STAB1: variants seen among roughly 807,000 people sequenced by gnomAD.
STAB1 encodes stabilin-1.
A neutral mutation model predicts 332.4 loss-of-function variants in STAB1; 250 were observed. That is an observed-to-expected ratio of 0.75 (90% CI 0.68 to 0.84). STAB1 has a LOEUF of 0.84. Among genes scored for constraint, STAB1 ranks in the 40% least tolerant of loss-of-function variants. STAB1 has a pLI of 0.00. For synonymous variants in STAB1, 1,475 were observed against 1,390.4 expected (o/e 1.06, Z -1.35); for missense variants, 3,249 against 3,489.7 (o/e 0.93, Z 1.74).
chr3:52,501,225 G>C lies in STAB1; in HGVS notation c.138G>C (p.Ser46=), dbSNP rs747000405. 2 of 1,613,784 alleles carry C rather than the reference G, an allele frequency of 1.2e-6. No individual in the cohort carries two copies. The highest frequency in any genetic ancestry group is 1.6e-4 in the Middle Eastern group (1 of 6,062). The part of the protein sequence containing the change: ...TTFVTHVPCT[S]CAAIKKQTCP... ...TTGTCACTCATGTACCCTGCACCTC[G>C]TGCGCGGCCATCAAGAAGCAGACGT... The change falls in exon 2 of 69, where the codon TCG becomes TCC. Residue 46 remains serine, a synonymous_variant. Coordinates refer to ENST00000321725, the MANE Select transcript of STAB1 (RefSeq NM_015136.3).
At position 52,519,517 on chromosome 3, in the gene STAB1, G is replaced by T. The variant is rs776687770; in HGVS notation, c.5188G>T (p.Ala1730Ser). The T allele has an allele frequency of 4.3e-6, 7 of 1,613,148 alleles. No homozygotes were observed. The African/African-American group carries it at 9.3e-5, about 22-fold the overall frequency. ...DAPIPRRNVT[A>S]AAQGFGYKIF... ...AGCCTTTCCTCAGAGAAATGTCACC[G>T]CCGCCGCCCAGGGCTTCGGTTACAA... Residue 1730 changes from alanine (A) to serine (S), a missense_variant, in exon 50 of 69, where the codon GCC (alanine) becomes TCC (serine). Transcript: ENST00000321725.
rs1299932068 is a variant in STAB1 at position 52,495,500 on chromosome 3, G to A, written c.78+9G>A. 4.5e-6 allele frequency: 6 copies of A among 1,328,764 alleles called. No homozygotes were observed. Among genetic ancestry groups the A allele is most frequent in the Non-Finnish European group, 5.8e-6 (6 of 1,031,898 alleles). 82.3% of individuals were successfully genotyped at this position (1,328,764 alleles called of 1,614,324 possible). ...GCTTCGTCAGGGGGCAGGTAAGTGT[G>A]AGCCAGTCGCAGGGGCACACGGCGT... On this transcript the variant is annotated intron_variant, in intron 1 of 68. Coordinates refer to ENST00000321725, the MANE Select transcript of STAB1 (RefSeq NM_015136.3).
Position 52,503,507 on chromosome 3 carries a change from C to T in STAB1, c.858C>T (p.Asn286=). The change falls in exon 8 of 69, where the codon AAC becomes AAT. Residue 286 remains asparagine (N), a synonymous_variant. Coordinates refer to ENST00000321725, the MANE Select transcript of STAB1 (RefSeq NM_015136.3). ...CTDNLGGCPS[N]STLCVYQKPG... ...ACAACCTTGGTGGCTGCCCCAGCAACTCTACTTTGTGTGTGTACCAGAAGC... is the reference window on the plus strand; with the variant it reads ...ACAACCTTGGTGGCTGCCCCAGCAATTCTACTTTGTGTGTGTACCAGAAGC... The T allele has an allele frequency of 1.2e-6, 2 of 1,613,666 alleles. No individual in the cohort carries two copies. Among genetic ancestry groups the T allele is most frequent in the Admixed American group, 3.3e-5 (2 of 60,026 alleles).
At chr3:52,496,004 T>A (rs1367348918) in intron 1 of STAB1, among the ~76,000 whole-genome samples, 1 of 152,220 alleles carries the variant, frequency 6.6e-6, no homozygotes, top group Non-Finnish European at 1.5e-5. Context: ...GCCTCAGAGC[T>A]GCCACAGAGC....
chr3:52,512,876 C>T lies in STAB1; in HGVS notation c.3076C>T (p.Pro1026Ser). The change falls in exon 29 of 69, where the codon CCC becomes TCC. Residue 1026 changes from proline (P) to serine (S), a missense_variant. By Grantham distance (74) the Pro-to-Ser change is moderately conservative (BLOSUM62 -1). Transcript: ENST00000321725. ...PADRRVTALVPSEAAVRQLSP... is the reference protein window; with the variant it reads ...PADRRVTALVSSEAAVRQLSP... Reference sequence around the variant, plus strand: ...CGACCGCCGAGTCACAGCCCTGGTGCCCTCCGAGGCTGCAGTCCGTCAGCT... The same window carrying T: ...CGACCGCCGAGTCACAGCCCTGGTGTCCTCCGAGGCTGCAGTCCGTCAGCT... 6.2e-7 allele frequency: 1 copy of T among 1,611,680 alleles called. No individual in the cohort carries two copies.
At chr3:52,520,758 A>G (rs1204423800) in intron 54 of STAB1, 46 bp from the exon 55 acceptor site, 1 of 1,612,676 alleles carries the variant, frequency 6.2e-7, no homozygotes, top group East Asian at 2.2e-5. Context: ...CCCAAGGACC[A>G]CCAAACTCAG....
At position 52,502,943 on chromosome 3, in the gene STAB1, T is replaced by C. The variant is rs1379930792; in HGVS notation, c.584-56T>C. ...AGAACAGGCAAGGCCCCTTTGCCCC[T>C]GTGTTCCTCCCCAGCCTGGGCTTGG... is the stretch of plus-strand genomic sequence containing the variant. On this transcript the variant is annotated intron_variant, in intron 6 of 68. Transcript: ENST00000321725. 7 of 1,451,046 alleles carry C rather than the reference T, an allele frequency of 4.8e-6. No homozygotes were observed. The Admixed American group carries it at 6.8e-5, about 14-fold the overall frequency. The allele number at this position is 1,451,046 out of a possible 1,614,324, so 89.9% of individuals were successfully genotyped here. A position where few individuals can be genotyped will look rare whatever the true frequency, so the allele number is the denominator to read the frequency against.
chr3:52,519,444 G>T, intron 49 of STAB1, 40 bp downstream of exon 49: 1 of 1,612,022 alleles, frequency 6.2e-7, no homozygotes, highest in Non-Finnish European at 8.5e-7. Context: ...AGACAGGCAG[G>T]TGGGGGCCTG....
At chr3:52,508,067 C>A in intron 20 of STAB1, 41 bp downstream of exon 20, 1 of 1,583,292 alleles carries the variant, frequency 6.3e-7, no homozygotes. Flanking sequence ...GTCACCTGGG[C>A]ACCTGCTGTT....
At chr3:52,507,750 G>C in intron 19 of STAB1, 75 bp downstream of exon 19, 1 of 1,581,012 alleles carries the variant, frequency 6.3e-7, no homozygotes, top group East Asian at 2.2e-5. Context: ...CACAGGGGTG[G>C]GTGGGGGAAG....
Position 52,513,149 on chromosome 3 carries a change from GC to G in STAB1, c.3181del (p.Leu1061SerfsTer17). On this transcript the variant is annotated frameshift_variant, in exon 30 of 69. Transcript: ENST00000321725. LOFTEE classifies it high-confidence loss of function. ...TGTCAGGGCCCATTTTCTCCAGGGT[GC>G]CCTCTTCGAGGAGGAGCTGGCCCGG... ...NLVRAHFLQG[A>X]LFEEELARLG... 1 of 1,572,920 alleles carries G rather than the reference GC, an allele frequency of 6.4e-7. No homozygotes were observed. Among genetic ancestry groups the G allele is most frequent in the Non-Finnish European group, 8.6e-7 (1 of 1,158,958 alleles).
chr3:52,504,804 A>T lies in STAB1; in HGVS notation c.1305A>T (p.Thr435=). Reference sequence around the variant, plus strand: ...CAGGGCAGCACATCCTGGAGGACACAAGGACCCAACAAACACGAAGGTGGT... The same window carrying T: ...CAGGGCAGCACATCCTGGAGGACACTAGGACCCAACAAACACGAAGGTGGT... The part of the protein sequence containing the change: ...IIAGQHILED[T]RTQQTRRWWT... The change falls in exon 12 of 69, where the codon ACA becomes ACT. Residue 435 remains threonine, a synonymous_variant. Transcript: ENST00000321725. 1 of 1,613,852 alleles carries T rather than the reference A, an allele frequency of 6.2e-7. No individual in the cohort carries two copies. The highest frequency in any genetic ancestry group is 8.5e-7 in the Non-Finnish European group (1 of 1,180,010).
rs78649764 is a variant in STAB1 at position 52,503,393 on chromosome 3, G to A, written c.744G>A (p.Ser248=). ...PSPCSLLAQC[S]VSPKGQAQCH... The stretch of plus-strand genomic sequence containing the variant: ...CCTGCTCACTGCTGGCCCAGTGCTC[G>A]GTGAGCCCCAAGGGGCAGGCTCAGT... The change falls in exon 8 of 69, where the codon TCG becomes TCA. Residue 248 remains serine, a synonymous_variant. Transcript: ENST00000321725. The A allele has an allele frequency of 1.3e-4, 204 of 1,613,538 alleles. No homozygotes were observed. The East Asian group carries it at 3.7e-3, about 30-fold the overall frequency.
At chr3:52,499,530 G>T (rs994851386) in intron 1 of STAB1, among the ~76,000 whole-genome samples, 1 of 152,152 alleles carries the variant, frequency 6.6e-6, no homozygotes, top group Non-Finnish European at 1.5e-5. Context: ...CCACCTTCAG[G>T]TAATGATGGC....
At position 52,517,009 on chromosome 3, in the gene STAB1, T is replaced by C. The variant is rs72947529; in HGVS notation, c.4389T>C (p.His1463=). The change falls in exon 42 of 69, where the codon CAT becomes CAC. Residue 1463 remains histidine, a synonymous_variant. Coordinates refer to ENST00000321725, the MANE Select transcript of STAB1 (RefSeq NM_015136.3). Reference sequence around the variant, plus strand: ...AGGTGGACCCCTGCGCCCACGGCCATGGGGGCTGCTCCCCTCATGCCAACT... The same window carrying C: ...AGGTGGACCCCTGCGCCCACGGCCACGGGGGCTGCTCCCCTCATGCCAACT... The part of the protein sequence containing the change: ...CSEVDPCAHG[H]GGCSPHANCT... 2 of 1,609,536 alleles carry C rather than the reference T, an allele frequency of 1.2e-6. No homozygotes were observed. The highest frequency in any genetic ancestry group is 1.3e-5 in the African/African-American group (1 of 74,894).
intron 38 of STAB1, 28 bp downstream of exon 38, chr3:52,516,266 G>GGGGGGGGC: frequency 1.0e-5 from 8 of 794,296 alleles, no homozygotes; most frequent in African/African-American, 1.7e-5. Context: ...GCGGGGGTGG[G>GGGGGGGGC]CCTCCTGGCA....
intron 55 of STAB1, 139 bp from the exon 56 acceptor site, chr3:52,521,222 C>T: frequency 2.3e-6 from 3 of 1,307,354 alleles, no homozygotes; most frequent in Non-Finnish European, 2.1e-6. Context: ...GGATGTTCTC[C>T]AGGACATGGG....
chr3:52,521,978 G>A (rs759354725), intron 58 of STAB1, 27 bp downstream of exon 58: 10 of 1,606,824 alleles, frequency 6.2e-6, no homozygotes, highest in Non-Finnish European at 8.5e-6. Flanking sequence ...GGACATGGAG[G>A]TGGGAGGCCC....
Position 52,512,441 on chromosome 3 carries a change from G to C in STAB1, c.2979+5G>C, listed in dbSNP as rs199763761. On this transcript the variant is annotated splice_donor_5th_base_variant and intron_variant, in intron 27 of 68. Transcript: ENST00000321725. ...TGTTATGGAGACATCTTCCGGGTAA[G>C]GGGTGCTCAGACTCGTTTTCTGTCT... is the stretch of plus-strand genomic sequence containing the variant. 2.0e-5 allele frequency: 33 copies of C among 1,610,420 alleles called. No homozygotes were observed. Among genetic ancestry groups the C allele is most frequent in the Non-Finnish European group, 4.2e-6 (5 of 1,178,186 alleles).
Sources: gnomAD v4.1 joint callset for allele counts (sites outside exome capture counted in the v4.1 genomes callset) on GRCh38, gnomAD v4.1.1 for gene constraint, MANE v1.5 for transcripts, NCBI Gene and HGNC (gene_info 2026-07-23, HGNC 2026-07-21) for gene names.